KCNH7: variants seen among roughly 807,000 people sequenced by gnomAD.
KCNH7 encodes voltage-gated inwardly rectifying potassium channel KCNH7.
A neutral mutation model predicts 120.8 loss-of-function variants in KCNH7; 49 were observed. The observed-to-expected ratio is 0.41, with a 90% CI of 0.32 to 0.51. The LOEUF is 0.51. Among genes scored for constraint, KCNH7 ranks in the 20% least tolerant of loss-of-function variants. The pLI, the probability that KCNH7 is intolerant of heterozygous loss-of-function variation, is 0.38. For synonymous variants in KCNH7, 547 were observed against 516.1 expected (o/e 1.06, Z -0.81); for missense variants, 1,097 against 1,446.6 (o/e 0.76, Z 3.92).
At chr2:162,417,628 G>A (rs1370909654) in intron 9 of KCNH7, among the ~76,000 whole-genome samples, 1 of 152,214 alleles carries the variant, frequency 6.6e-6, no homozygotes, top group East Asian at 1.9e-4. Context: ...AATATGGAAA[G>A]CTCTAGGGCA....
chr2:162,581,514 T>C (rs530754770), intron 2 of KCNH7, among the ~76,000 whole-genome samples: 1 of 152,192 alleles, frequency 6.6e-6, no homozygotes, highest in Admixed American at 6.5e-5. Context: ...TATTACCTTA[T>C]TATAAAAAGA....
chr2:162,587,569 A>G (rs1694059318), intron 2 of KCNH7, among the ~76,000 whole-genome samples: 1 of 152,088 alleles, frequency 6.6e-6, no homozygotes, highest in African/African-American at 2.4e-5. Context: ...AAACACGTTT[A>G]TATTTAGTTA....
At chr2:162,683,159 G>C (rs996734995) in intron 2 of KCNH7, among the ~76,000 whole-genome samples, 7 of 151,738 alleles carry the variant, frequency 4.6e-5, no homozygotes, top group Admixed American at 2.6e-4. Context: ...ATGAGAAGGT[G>C]ATGATGTCTA....
At chr2:162,492,686 T>C (rs1407366108) in intron 6 of KCNH7, among the ~76,000 whole-genome samples, 2 of 152,162 alleles carry the variant, frequency 1.3e-5, no homozygotes, top group Non-Finnish European at 2.9e-5. Flanking sequence ...TGGCTTCACC[T>C]GTGAGATTAA....
Position 162,371,518 on chromosome 2 carries a change from G to T in KCNH7, c.*311C>A. On this transcript the variant is annotated 3_prime_UTR_variant, in exon 16 of 16. Coordinates refer to ENST00000332142, the MANE Select transcript of KCNH7 (RefSeq NM_033272.4). ...ACGAAGTACTGGTTTAGTAAAAGCA[G>T]TAAATAGGAGTCTCCATGCAAGAGA... The T allele has an allele frequency of 8.9e-7, 1 of 1,128,010 alleles. No individual in the cohort carries two copies. The highest frequency in any genetic ancestry group is 1.1e-6 in the Non-Finnish European group (1 of 879,716). 69.9% of individuals were successfully genotyped at this position (1,128,010 alleles called of 1,614,324 possible).
chr2:162,652,173 G>A (rs1684587859), intron 2 of KCNH7, among the ~76,000 whole-genome samples: 1 of 152,106 alleles, frequency 6.6e-6, no homozygotes, highest in South Asian at 2.1e-4. Context: ...TGTGATATGG[G>A]GGAAAGAGCC....
chr2:162,803,168 C>A (rs927388042), intron 2 of KCNH7, among the ~76,000 whole-genome samples: 2 of 151,714 alleles, frequency 1.3e-5, no homozygotes, highest in African/African-American at 4.8e-5. Flanking sequence ...AAATTATTTA[C>A]TCTAAACTTC....
rs1161330177 is a variant in KCNH7 at position 162,606,080 on chromosome 2, A to G, written c.308-69000T>C. On this transcript the variant is annotated intron_variant, in intron 2 of 15. Coordinates refer to ENST00000332142, the MANE Select transcript of KCNH7 (RefSeq NM_033272.4). ...TATTTATTTTAATTTTAACAAAAAT[A>G]TTTATTGTTTGGATAGATTTTATAA... Among the ~76,000 whole-genome samples, 4 of 152,118 alleles carry G rather than the reference A, an allele frequency of 2.6e-5. No homozygotes were observed. The South Asian group carries it at 6.2e-4, about 24-fold the overall frequency.
At chr2:162,569,584 T>C (rs1372481034) in intron 2 of KCNH7, among the ~76,000 whole-genome samples, 1 of 144,054 alleles carries the variant, frequency 6.9e-6, no homozygotes, top group East Asian at 2.1e-4. Context: ...TTTGAATGTG[T>C]TTGCTCTTGC....
At chr2:162,780,259 C>T (rs1055689369) in intron 2 of KCNH7, among the ~76,000 whole-genome samples, 4 of 152,152 alleles carry the variant, frequency 2.6e-5, no homozygotes, top group African/African-American at 4.8e-5. Flanking sequence ...CCTTTCATTT[C>T]CTCGATGATA....
intron 2 of KCNH7, among the ~76,000 whole-genome samples, chr2:162,816,536 A>G (rs1167266961): frequency 6.6e-6 from 1 of 152,140 alleles, no homozygotes; most frequent in African/African-American, 2.4e-5. Context: ...TAATGCCCCT[A>G]ATCAAAACTT....
chr2:162,606,675 G>T (rs1682783982), intron 2 of KCNH7, among the ~76,000 whole-genome samples: 2 of 152,132 alleles, frequency 1.3e-5, no homozygotes, highest in Non-Finnish European at 2.9e-5. Context: ...ACCAGGATGA[G>T]CAAGATAAAC....
intron 2 of KCNH7, among the ~76,000 whole-genome samples, chr2:162,658,193 TA>T (rs903169184): frequency 1.3e-5 from 2 of 151,906 alleles, no homozygotes; most frequent in Admixed American, 6.6e-5. Flanking sequence ...TAATTATTGT[TA>T]TTTTTTTATT....
intron 9 of KCNH7, among the ~76,000 whole-genome samples, chr2:162,412,507 G>A (rs953167101): frequency 2.6e-5 from 4 of 152,048 alleles, no homozygotes; most frequent in Non-Finnish European, 4.4e-5. Context: ...CCTACAATCT[G>A]TTTTCTATAT....
intron 14 of KCNH7, among the ~76,000 whole-genome samples, chr2:162,378,331 C>T (rs1373839483): frequency 1.3e-5 from 2 of 152,154 alleles, no homozygotes; most frequent in Non-Finnish European, 2.9e-5. Flanking sequence ...AGACCTTTTC[C>T]TATGCTCACC....
At chr2:162,807,260 A>G (rs1223784915) in intron 2 of KCNH7, among the ~76,000 whole-genome samples, 1 of 119,036 alleles carries the variant, frequency 8.4e-6, no homozygotes, top group East Asian at 2.4e-4. Context: ...AAAATACAAA[A>G]AAAAAAAAAA....
intron 6 of KCNH7, among the ~76,000 whole-genome samples, chr2:162,502,611 T>C (rs1212068117): frequency 6.6e-6 from 1 of 152,068 alleles, no homozygotes; most frequent in Non-Finnish European, 1.5e-5. Context: ...GGCTTAAATG[T>C]TTAATCCTGT....
rs777033667 is a variant in KCNH7, at chr2:162,371,898, T to C, written c.3522A>G (p.Ser1174=). 6.2e-7 allele frequency: 1 copy of C among 1,613,832 alleles called. No homozygotes were observed. Among genetic ancestry groups the C allele is most frequent in the South Asian group, 1.1e-5 (1 of 91,080 alleles). The stretch of plus-strand genomic sequence containing the variant: ...CCACGATTCCTACAGTGCTTAGGGA[T>C]GAATCTGGCAAAGAAGGATGCCTAA... The part of the protein sequence containing the change: ...HPIRHPSLPD[S]SLSTVGIVGL... The change falls in exon 16 of 16, where the codon TCA becomes TCG. Residue 1174 remains serine (S), a synonymous_variant. Transcript: ENST00000332142.
intron 2 of KCNH7, among the ~76,000 whole-genome samples, chr2:162,776,926 T>G (rs1267742501): frequency 6.6e-6 from 1 of 152,086 alleles, no homozygotes; most frequent in Non-Finnish European, 1.5e-5. Flanking sequence ...AGAAGTTTCA[T>G]ATATAAGCCC....
Sources: gnomAD v4.1 joint callset for allele counts (sites outside exome capture counted in the v4.1 genomes callset) on GRCh38, gnomAD v4.1.1 for gene constraint, MANE v1.5 for transcripts, NCBI Gene and HGNC (gene_info 2026-07-23, HGNC 2026-07-21) for gene names.